Variants in ARHGAP10 observed in about 807,000 individuals in gnomAD.
ARHGAP10 encodes the protein rho GTPase-activating protein 10.
Under a neutral mutation model 108.6 loss-of-function variants are expected in ARHGAP10, and 87 were observed. The observed-to-expected ratio is 0.80, with a 90% CI of 0.67 to 0.96. The LOEUF (loss-of-function observed/expected upper bound fraction) is 0.96. Ranked by LOEUF, ARHGAP10 falls within the 40% of genes least tolerant of loss-of-function variation. The pLI is 0.00. For synonymous variants in ARHGAP10, 347 were observed against 341.1 expected (o/e 1.02, Z -0.19); for missense variants, 939 against 954.5 (o/e 0.98, Z 0.21).
At chr4:147,993,783 A>AG (rs1740368181) in intron 18 of ARHGAP10, among the ~76,000 whole-genome samples, 1 of 152,268 alleles carries the variant, frequency 6.6e-6, no homozygotes, top group South Asian at 2.1e-4. Flanking sequence ...AGGCCTGCAG[A>AG]GGATATAATG....
intron 19 of ARHGAP10, among the ~76,000 whole-genome samples, chr4:148,045,666 A>C (rs1459431517): frequency 7.8e-6 from 1 of 128,990 alleles, no homozygotes; most frequent in Non-Finnish European, 1.6e-5. Context: ...TGAACCTGGG[A>C]GGCGGAGCTT....
chr4:148,069,612 G>C (rs1460963164), intron 22 of ARHGAP10, among the ~76,000 whole-genome samples: 3 of 152,202 alleles, frequency 2.0e-5, no homozygotes, highest in African/African-American at 7.2e-5. Flanking sequence ...AGGGTAGGAG[G>C]AGAAATAGTG....
chr4:147,926,628 T>C (rs1737470148), intron 13 of ARHGAP10, among the ~76,000 whole-genome samples: 1 of 152,032 alleles, frequency 6.6e-6, no homozygotes, highest in Non-Finnish European at 1.5e-5. Context: ...AGAGGTAAGG[T>C]TTTGAGTGTC....
intron 18 of ARHGAP10, among the ~76,000 whole-genome samples, chr4:147,977,754 A>G (rs1739650642): frequency 1.3e-5 from 2 of 152,248 alleles, no homozygotes; most frequent in South Asian, 4.2e-4. Context: ...CCTGTCACCC[A>G]TATGGTGAAC....
intron 1 of ARHGAP10, among the ~76,000 whole-genome samples, chr4:147,818,389 A>C (rs1007848837): frequency 6.6e-6 from 1 of 151,692 alleles, no homozygotes; most frequent in Non-Finnish European, 1.5e-5. Flanking sequence ...AACATGGAGA[A>C]ACCCCATCTC....
chr4:148,026,955 C>T (rs1008762406), intron 19 of ARHGAP10, among the ~76,000 whole-genome samples: 1 of 152,064 alleles, frequency 6.6e-6, no homozygotes, highest in African/African-American at 2.4e-5. Flanking sequence ...TTTCTCCTGC[C>T]CCCACTCCAA....
chr4:147,860,045 G>A (rs1469865), intron 5 of ARHGAP10, among the ~76,000 whole-genome samples: 114,133 of 152,136 alleles, frequency 0.75, 46,086 homozygotes, highest in Non-Finnish European at 0.89. Context: ...CTAATTTTCA[G>A]TGAATTGAGA....
intron 1 of ARHGAP10, among the ~76,000 whole-genome samples, chr4:147,758,090 C>T (rs1249697455): frequency 1.3e-5 from 2 of 152,084 alleles, no homozygotes; most frequent in African/African-American, 4.8e-5. Flanking sequence ...TGGAGAAACC[C>T]CGTCCATACT....
chr4:147,909,764 A>G lies in ARHGAP10; in HGVS notation c.1149A>G (p.Pro383=). ...LSHSFNTAII[P]RPEGNAQLDK... The stretch of plus-strand genomic sequence containing the variant: ...ATAGTTTTAATACAGCCATCATCCC[A>G]AGACCAGAAGGAAGTAAGTGCTCAT... The change falls in exon 12 of 23, where the codon CCA becomes CCG. Residue 383 remains proline, a synonymous_variant. Transcript: ENST00000336498. The G allele has an allele frequency of 1.2e-6, 2 of 1,611,102 alleles. No homozygotes were observed. Among genetic ancestry groups the G allele is most frequent in the Non-Finnish European group, 1.7e-6 (2 of 1,177,348 alleles).
At chr4:147,793,929 G>A (rs1731219777) in intron 1 of ARHGAP10, among the ~76,000 whole-genome samples, 1 of 152,200 alleles carries the variant, frequency 6.6e-6, no homozygotes, top group South Asian at 2.1e-4. Flanking sequence ...AAAATAAAGT[G>A]TAGAAGGGAC....
At chr4:148,003,351 G>A (rs1242015854) in intron 18 of ARHGAP10, among the ~76,000 whole-genome samples, 1 of 152,170 alleles carries the variant, frequency 6.6e-6, no homozygotes, top group African/African-American at 2.4e-5. Context: ...GGTCAGTTTT[G>A]GAGGAAGTGT....
chr4:147,894,953 T>A (rs1735928059), intron 10 of ARHGAP10, among the ~76,000 whole-genome samples: 1 of 152,234 alleles, frequency 6.6e-6, no homozygotes, highest in African/African-American at 2.4e-5. Context: ...AGTCCTCTGT[T>A]CTTTTTAAAA....
intron 15 of ARHGAP10, among the ~76,000 whole-genome samples, chr4:147,952,868 G>T (rs1738657459): frequency 6.6e-6 from 1 of 151,784 alleles, no homozygotes; most frequent in Non-Finnish European, 1.5e-5. Context: ...GTTTTCTTCT[G>T]TAAGTTTTAT....
At chr4:147,926,653 AG>A (rs2075807522) in intron 13 of ARHGAP10, among the ~76,000 whole-genome samples, 2 of 152,350 alleles carry the variant, frequency 1.3e-5, no homozygotes, top group South Asian at 4.1e-4. Context: ...TCAAGATGAT[AG>A]TGGAGAAAAG....
intron 10 of ARHGAP10, among the ~76,000 whole-genome samples, chr4:147,888,701 C>A (rs1033136028): frequency 6.6e-6 from 1 of 152,148 alleles, no homozygotes; most frequent in African/African-American, 2.4e-5. Context: ...AACAGAGAAA[C>A]ATCTATTCTG....
intron 13 of ARHGAP10, among the ~76,000 whole-genome samples, chr4:147,935,129 T>C (rs1737872928): frequency 6.6e-6 from 1 of 152,144 alleles, no homozygotes; most frequent in African/African-American, 2.4e-5. Context: ...TGCAATGAAC[T>C]TGGTTATTTG....
chr4:147,822,556 A>G (rs1437595152), intron 1 of ARHGAP10, among the ~76,000 whole-genome samples, 171 bp from the exon 2 acceptor site: 1 of 152,216 alleles, frequency 6.6e-6, no homozygotes, highest in Non-Finnish European at 1.5e-5. Flanking sequence ...GGCTACCCAG[A>G]GCGTGCCAGG....
chr4:147,979,711 C>T (rs564378626), intron 18 of ARHGAP10, among the ~76,000 whole-genome samples: 1 of 152,270 alleles, frequency 6.6e-6, no homozygotes, highest in African/African-American at 2.4e-5. Flanking sequence ...TGATATCTTT[C>T]AGCAGTGTTT....
chr4:147,964,700 C>T (rs938947525), intron 16 of ARHGAP10, among the ~76,000 whole-genome samples: 2 of 152,236 alleles, frequency 1.3e-5, no homozygotes, highest in East Asian at 3.9e-4. Flanking sequence ...ATCGAGTAAA[C>T]GATGAACAGA....
Sources: gnomAD v4.1 joint callset for allele counts (sites outside exome capture counted in the v4.1 genomes callset) on GRCh38, gnomAD v4.1.1 for gene constraint, MANE v1.5 for transcripts, NCBI Gene and HGNC (gene_info 2026-07-23, HGNC 2026-07-21) for gene names.